PCDHGB3: variants seen among roughly 807,000 people sequenced by gnomAD.
PCDHGB3 encodes the protein protocadherin gamma-B3.
Under a neutral mutation model 59.2 loss-of-function variants are expected in PCDHGB3, and 40 were observed. That is an observed-to-expected ratio of 0.68 (90% CI 0.52 to 0.88). The LOEUF is 0.88. PCDHGB3 is among the 40% of genes least tolerant of loss of function. PCDHGB3 has a pLI of 0.00. For missense variants in PCDHGB3, 1,309 were observed against 1,187.9 expected, an observed-to-expected ratio of 1.10 and a Z score of -1.50; for synonymous variants, 581 against 503.6, an observed-to-expected ratio of 1.15 and a Z score of -2.06.
intron 1 of PCDHGB3, among the ~76,000 whole-genome samples, chr5:141,450,503 T>G (rs1196541899): frequency 3.3e-5 from 5 of 152,258 alleles, no homozygotes; most frequent in Admixed American, 6.5e-5. Context: ...TTGTTTGTTT[T>G]GAGATGGAGT....
In PCDHGB3 at chr5:141,422,020, G is replaced by T. The variant is rs374562798; in HGVS notation, c.2415+49211G>T. The T allele has an allele frequency of 1.3e-5, 21 of 1,610,932 alleles. No individual in the cohort carries two copies. The East Asian group carries it at 3.8e-4, about 29-fold the overall frequency. On this transcript the variant is annotated intron_variant, in intron 1 of 3. Transcript: ENST00000576222. ...CAGCTCCGGAACTCGGGTGCTGATG[G>T]TTAATGCAACGGATCCAGACGAGGG...
intron 1 of PCDHGB3, among the ~76,000 whole-genome samples, chr5:141,470,814 A>T (rs1170059292): frequency 2.6e-5 from 4 of 152,006 alleles, no homozygotes; most frequent in Admixed American, 6.5e-5. Context: ...CAGCCTTCTG[A>T]GTAGTTAGGA....
chr5:141,439,455 C>T (rs62379163), intron 1 of PCDHGB3, among the ~76,000 whole-genome samples: 5,115 of 152,308 alleles, frequency 0.034, 100 homozygotes, highest in Middle Eastern at 0.088. Context: ...GGGAGCAAGA[C>T]TGCACTGCTG....
In PCDHGB3 at chr5:141,490,363, C is replaced by T. The variant is rs779932482; in HGVS notation, c.2416-4444C>T. 10 of 1,614,036 alleles carry T rather than the reference C, an allele frequency of 6.2e-6. No individual in the cohort carries two copies. The highest frequency in any genetic ancestry group is 1.3e-5 in the African/African-American group (1 of 74,904). The stretch of plus-strand genomic sequence containing the variant: ...CACAGTAGTGGGGTTGTTTAATGTG[C>T]GAGACCGGGACTCAGGTAGAAATGG... On this transcript the variant is annotated intron_variant, in intron 1 of 3. Coordinates refer to ENST00000576222, the MANE Select transcript of PCDHGB3 (RefSeq NM_018924.5). The surrounding 1 kb of genome is among the most constrained non-coding windows in gnomAD (Gnocchi z 5.4).
At chr5:141,481,913 CA>C (rs34114744) in intron 1 of PCDHGB3, among the ~76,000 whole-genome samples, 39,195 of 90,872 alleles carry the variant, frequency 0.43, 5,902 homozygotes, top group Admixed American at 0.51. Flanking sequence ...AACTCCATCT[CA>C]AAAAAAAAAA....
chr5:141,382,964 C>A (rs373652237), intron 1 of PCDHGB3: 1 of 1,608,238 alleles, frequency 6.2e-7, no homozygotes. Context: ...CTCCTGGGGA[C>A]CCCCTGGGAA....
chr5:141,441,954 C>T, intron 1 of PCDHGB3: 1 of 319,608 alleles, frequency 3.1e-6, no homozygotes, highest in Non-Finnish European at 6.0e-6. Context: ...TGCAGGCCAG[C>T]AAGCCCAGGC....
Position 141,486,971 on chromosome 5 carries a change from T to G in PCDHGB3, c.2416-7836T>G. ...AAAGGTGACTGCTGTGGACTTGGAT[T>G]CAGGTTACAATGCTTGGGTTTCCTA... On this transcript the variant is annotated intron_variant, in intron 1 of 3. Transcript: ENST00000576222. The surrounding 1 kb of genome is among the most constrained non-coding windows in gnomAD (Gnocchi z 5.0). The G allele has an allele frequency of 6.2e-7, 1 of 1,614,220 alleles. No homozygotes were observed. The highest frequency in any genetic ancestry group is 8.5e-7 in the Non-Finnish European group (1 of 1,180,042).
intron 1 of PCDHGB3, among the ~76,000 whole-genome samples, chr5:141,380,132 T>A (rs552082658): frequency 4.4e-4 from 67 of 152,174 alleles, no homozygotes; most frequent in African/African-American, 1.6e-3. Context: ...ACTCCTGACC[T>A]TAAGTGATCC....
At chr5:141,434,462 C>T (rs2097695951) in intron 1 of PCDHGB3, among the ~76,000 whole-genome samples, 1 of 152,156 alleles carries the variant, frequency 6.6e-6, no homozygotes, top group Non-Finnish European at 1.5e-5. Flanking sequence ...GTGGGTTTAC[C>T]GGAATGAGGG....
In PCDHGB3 at chr5:141,418,344, T is replaced by C. The variant is rs746519142; in HGVS notation, c.2415+45535T>C. On this transcript the variant is annotated intron_variant, in intron 1 of 3. Transcript: ENST00000576222. ...CTTGAGTCTGCAGAAGATCCTGATA[T>C]TAGTATGAATTCGCTGAGCAAATAC... 4.3e-6 allele frequency: 7 copies of C among 1,613,890 alleles called. No individual in the cohort carries two copies. The highest frequency in any genetic ancestry group is 2.2e-5 in the South Asian group (2 of 91,086).
At position 141,401,132 on chromosome 5, in the gene PCDHGB3, A is replaced by G. The variant is rs534048041; in HGVS notation, c.2415+28323A>G. Among the ~76,000 whole-genome samples, 4 of 152,344 alleles carry G rather than the reference A, an allele frequency of 2.6e-5. No homozygotes were observed. In the South Asian group the frequency reaches 8.3e-4, roughly 32 times the overall value. ...GCCGAGGCGGTTGGATCACATGGTCAGGAGTTCAAGACCAGCCTGGGCAAT... is the reference window on the plus strand; with the variant it reads ...GCCGAGGCGGTTGGATCACATGGTCGGGAGTTCAAGACCAGCCTGGGCAAT... On this transcript the variant is annotated intron_variant, in intron 1 of 3. Coordinates refer to ENST00000576222, the MANE Select transcript of PCDHGB3 (RefSeq NM_018924.5).
chr5:141,419,735 G>A (rs1013306543), intron 1 of PCDHGB3: 4 of 1,613,806 alleles, frequency 2.5e-6, no homozygotes, highest in Non-Finnish European at 3.4e-6. Flanking sequence ...AACAGGCGAG[G>A]TGCGCATGGT....
At chr5:141,391,562 C>T (rs927673920) in intron 1 of PCDHGB3, 2 of 152,064 alleles carry the variant, frequency 1.3e-5, no homozygotes, top group Non-Finnish European at 1.5e-5. Flanking sequence ...TTTCCATATG[C>T]ATAAGAAAAT....
At chr5:141,405,032 G>A (rs747720731) in intron 1 of PCDHGB3, 25 of 1,613,806 alleles carry the variant, frequency 1.5e-5, no homozygotes, top group African/African-American at 6.7e-5. Context: ...CCTCTACCTC[G>A]TTGTGGCTGT....
At chr5:141,391,498 G>A (rs974621252) in intron 1 of PCDHGB3, 1 of 151,980 alleles carries the variant, frequency 6.6e-6, no homozygotes, top group African/African-American at 2.4e-5. Flanking sequence ...TTTCAGTAGA[G>A]AAAATATTTT....
chr5:141,414,290 T>G (rs781378958), intron 1 of PCDHGB3: 5 of 1,613,154 alleles, frequency 3.1e-6, no homozygotes, highest in Non-Finnish European at 4.2e-6. Context: ...GTCGTAGCCC[T>G]TTTAAATGTG....
At chr5:141,447,178 C>T (rs1258561542) in intron 1 of PCDHGB3, among the ~76,000 whole-genome samples, 2 of 152,094 alleles carry the variant, frequency 1.3e-5, no homozygotes, top group Middle Eastern at 3.4e-3. Context: ...TTGCTCTTGT[C>T]GCGCAGGCTG....
chr5:141,463,438 CTTTTTTTTTTT>C (rs71576115), intron 1 of PCDHGB3, among the ~76,000 whole-genome samples: 7 of 103,256 alleles, frequency 6.8e-5, no homozygotes, highest in African/African-American at 1.8e-4. Flanking sequence ...TTTCCTTCTC[CTTTTTTTTTTT>C]TTTTTTTTTT....
Sources: allele counts gnomAD v4.1 joint callset (sites outside exome capture counted in the v4.1 genomes callset), GRCh38; gene constraint gnomAD v4.1.1; non-coding constraint Gnocchi (gnomAD v3.1); transcripts MANE v1.5; gene names NCBI Gene and HGNC (gene_info 2026-07-23, HGNC 2026-07-21).